The following PPIG variants were observed in gnomAD, a reference collection of about 807,000 sequenced individuals.
PPIG encodes peptidylprolyl isomerase G.
Under a neutral mutation model 87.9 loss-of-function variants are expected in PPIG, and 26 were observed. The observed-to-expected ratio is 0.30, with a 90% CI of 0.22 to 0.41. PPIG has a LOEUF of 0.41. Among genes scored for constraint, PPIG ranks in the 10% least tolerant of loss-of-function variants. The pLI, the probability that PPIG is intolerant of heterozygous loss-of-function variation, is 1.00. For synonymous variants in PPIG, 308 were observed against 276.5 expected, an observed-to-expected ratio of 1.11 and a Z score of -1.13; for missense variants, 722 against 879.4, an observed-to-expected ratio of 0.82 and a Z score of 2.26.
chr2:169,619,881 C>T lies in PPIG; in HGVS notation c.547+5157C>T, dbSNP rs186096774. ...TACCTGTTGGCCATTTGTATGTCTT[C>T]GTTTGAGAAATATCTCTTCAGATTC... is the stretch of plus-strand genomic sequence containing the variant. On this transcript the variant is annotated intron_variant, in intron 9 of 13. Transcript: ENST00000260970. Among the ~76,000 whole-genome samples, 478 of 152,092 alleles carry T rather than the reference C, an allele frequency of 3.1e-3. 3 individuals carry two copies. Among genetic ancestry groups the T allele is most frequent in the African/African-American group, 0.011 (445 of 41,512 alleles).
At chr2:169,632,908 G>A (rs1473214441) in intron 11 of PPIG, among the ~76,000 whole-genome samples, 1 of 151,398 alleles carries the variant, frequency 6.6e-6, no homozygotes, top group Non-Finnish European at 1.5e-5. Flanking sequence ...GGGAGGCCAA[G>A]GTGGGCAGAT....
Position 169,640,978 on chromosome 2 carries a change from G to A in PPIG, c.*3455G>A, listed in dbSNP as rs1294735874. The A allele has an allele frequency of 1.3e-5, 2 of 152,154 alleles. No homozygotes were observed. Among genetic ancestry groups the A allele is most frequent in the Non-Finnish European group, 2.9e-5 (2 of 68,006 alleles). 9.4% of individuals were successfully genotyped at this position (152,154 alleles called of 1,614,324 possible). The stretch of plus-strand genomic sequence containing the variant: ...GTTTTAAAAGGTATGTGAGGGAGTG[G>A]TGGGGTGGATTTGTGTTTCTGACTT... On this transcript the variant is annotated 3_prime_UTR_variant, in exon 14 of 14. Transcript: ENST00000260970.
intron 9 of PPIG, among the ~76,000 whole-genome samples, chr2:169,628,491 T>A (rs900552815): frequency 6.6e-6 from 1 of 152,180 alleles, no homozygotes; most frequent in Admixed American, 6.5e-5. Flanking sequence ...GTTTAGTATA[T>A]TCCTGTAAAT....
chr2:169,618,406 T>C (rs1685658067), intron 9 of PPIG, among the ~76,000 whole-genome samples: 1 of 152,204 alleles, frequency 6.6e-6, no homozygotes, highest in Non-Finnish European at 1.5e-5. Flanking sequence ...TTCTATTGTT[T>C]GGAATAGTTT....
intron 1 of PPIG, among the ~76,000 whole-genome samples, chr2:169,587,489 C>G (rs1272247064): frequency 6.6e-6 from 1 of 152,088 alleles, no homozygotes; most frequent in East Asian, 1.9e-4. Flanking sequence ...ATCTGCCCAC[C>G]TTGGCCTCCC....
chr2:169,632,021 G>T (rs1395198775), intron 11 of PPIG, 88 bp downstream of exon 11: 3 of 1,320,468 alleles, frequency 2.3e-6, no homozygotes, highest in Non-Finnish European at 3.0e-6. Context: ...AGATTTAATT[G>T]GTGACCTTGT....
intron 9 of PPIG, among the ~76,000 whole-genome samples, chr2:169,621,848 T>C (rs1035997124): frequency 2.0e-5 from 3 of 151,960 alleles, no homozygotes; most frequent in African/African-American, 7.3e-5. Flanking sequence ...TCCCAGCACT[T>C]TGTGAGACTG....
chr2:169,628,687 C>T (rs1428533178), intron 9 of PPIG, among the ~76,000 whole-genome samples: 2 of 152,058 alleles, frequency 1.3e-5, no homozygotes, highest in Non-Finnish European at 2.9e-5. Context: ...CACCTGTAAT[C>T]CCAACACTTA....
In PPIG at chr2:169,631,863, A is replaced by G; in HGVS notation, c.859A>G (p.Met287Val). 6.2e-7 allele frequency: 1 copy of G among 1,613,322 alleles called. No individual in the cohort carries two copies. Among genetic ancestry groups the G allele is most frequent in the Non-Finnish European group, 8.5e-7 (1 of 1,179,370 alleles). Residue 287 changes from methionine (M) to valine (V), a missense_variant, in exon 11 of 14, where the codon ATG becomes GTG. Met to Val is a conservative substitution (Grantham distance 21, BLOSUM62 1). Coordinates refer to ENST00000260970, the MANE Select transcript of PPIG (RefSeq NM_004792.3). ...IPPIPENRFL[M>V]RKSPPKADEK... ...TCCTATACCTGAAAATAGATTCCTA[A>G]TGAGAAAAAGTCCTCCTAAAGCTGA...
chr2:169,591,242 T>C (rs1684855409), intron 1 of PPIG, among the ~76,000 whole-genome samples: 1 of 152,214 alleles, frequency 6.6e-6, no homozygotes, highest in South Asian at 2.1e-4. Context: ...ATAGTTTATG[T>C]ATGAAACTAC....
At chr2:169,623,471 C>T (rs1685807239) in intron 9 of PPIG, among the ~76,000 whole-genome samples, 1 of 152,176 alleles carries the variant, frequency 6.6e-6, no homozygotes, top group Admixed American at 6.5e-5. Context: ...TGCTATGTTA[C>T]ATAGTACACA....
chr2:169,598,783 T>C (rs1685092268), intron 1 of PPIG, among the ~76,000 whole-genome samples: 1 of 145,080 alleles, frequency 6.9e-6, no homozygotes, highest in Admixed American at 6.9e-5. Context: ...AAATTATATA[T>C]ACATTTATCA....
chr2:169,604,003 C>T, intron 2 of PPIG, 23 bp from the exon 3 acceptor site: 1 of 1,584,890 alleles, frequency 6.3e-7, no homozygotes, highest in Non-Finnish European at 8.6e-7. Flanking sequence ...GTCTGCTTGT[C>T]TGAAACTGTA....
intron 1 of PPIG, among the ~76,000 whole-genome samples, chr2:169,597,098 A>G (rs1214482169): frequency 6.6e-6 from 1 of 152,186 alleles, no homozygotes; most frequent in Non-Finnish European, 1.5e-5. Flanking sequence ...AGGAGTGAAG[A>G]TATCTCCTTG....
chr2:169,610,778 T>G (rs1412108339), intron 7 of PPIG, among the ~76,000 whole-genome samples: 3 of 152,250 alleles, frequency 2.0e-5, no homozygotes, highest in Non-Finnish European at 4.4e-5. Context: ...AGTATATCCT[T>G]AAAATACTCC....
At chr2:169,602,659 T>G (rs1282663277) in intron 1 of PPIG, among the ~76,000 whole-genome samples, 7 of 152,224 alleles carry the variant, frequency 4.6e-5, no homozygotes, top group Admixed American at 3.9e-4. Context: ...CTGAAAAATT[T>G]TATACCTGGG....
intron 4 of PPIG, 25 bp from the exon 5 acceptor site, chr2:169,606,014 A>G (rs935438867): frequency 7.3e-6 from 11 of 1,513,646 alleles, no homozygotes; most frequent in South Asian, 1.1e-5. Context: ...TTTCTATTAA[A>G]TGTCCTATTT....
At chr2:169,596,404 C>T (rs59319648) in intron 1 of PPIG, among the ~76,000 whole-genome samples, 2,371 of 152,188 alleles carry the variant, frequency 0.016, 69 homozygotes, top group African/African-American at 0.054. Context: ...CGCACCCGGC[C>T]GAAAATTGTG....
intron 12 of PPIG, among the ~76,000 whole-genome samples, chr2:169,634,174 C>T (rs1299642944): frequency 6.6e-6 from 1 of 152,074 alleles, no homozygotes; most frequent in Admixed American, 6.5e-5. Context: ...AATCCTCCCA[C>T]CTCACCCTCC....
Sources: gnomAD v4.1 joint callset for allele counts (sites outside exome capture counted in the v4.1 genomes callset) on GRCh38, gnomAD v4.1.1 for gene constraint, MANE v1.5 for transcripts, NCBI Gene and HGNC (gene_info 2026-07-23, HGNC 2026-07-21) for gene names.